The following ARHGAP40 variants were observed in gnomAD, a reference collection of about 807,000 sequenced individuals.
ARHGAP40 encodes rho GTPase-activating protein 40.
ARHGAP40 carries 43 observed loss-of-function variants against 73.5 expected under a neutral mutation model. That is an observed-to-expected ratio of 0.58 (90% CI 0.46 to 0.75). ARHGAP40 has a LOEUF of 0.75. Among genes scored for constraint, ARHGAP40 ranks in the 30% least tolerant of loss-of-function variants. The pLI, the probability that ARHGAP40 is intolerant of heterozygous loss-of-function variation, is 0.00. For synonymous variants in ARHGAP40, 300 were observed against 352.8 expected (o/e 0.85, Z 1.68); for missense variants, 734 against 861.8 (o/e 0.85, Z 1.86).
rs558527455 is a variant in ARHGAP40, at chr20:38,601,901, C to G, written c.-42C>G. 7.5e-5 allele frequency: 97 copies of G among 1,286,756 alleles called. No homozygotes were observed. In the Middle Eastern group the frequency reaches 1.3e-3, roughly 17 times the overall value. 79.7% of individuals were successfully genotyped at this position (1,286,756 alleles called of 1,614,324 possible). A position where few individuals can be genotyped will look rare whatever the true frequency, so the allele number is the denominator to read the frequency against. On this transcript the variant is annotated 5_prime_UTR_variant, in exon 1 of 15. Transcript: ENST00000373345. Reference sequence around the variant, plus strand: ...ATTGCCGATCGAGTCAGCCCCACGGCGGCAGCACCACGACCGACCGGGATC... The same window carrying G: ...ATTGCCGATCGAGTCAGCCCCACGGGGGCAGCACCACGACCGACCGGGATC...
intron 1 of ARHGAP40, among the ~76,000 whole-genome samples, chr20:38,617,694 C>T (rs2088850566): frequency 6.6e-6 from 1 of 152,220 alleles, no homozygotes; most frequent in Non-Finnish European, 1.5e-5. Context: ...TCTTCATGCT[C>T]TGTGCTTGTA....
Position 38,612,670 on chromosome 20 carries a change from A to C in ARHGAP40, c.137+10591A>C, listed in dbSNP as rs540705749. Among the ~76,000 whole-genome samples, 3 of 152,256 alleles carry C rather than the reference A, an allele frequency of 2.0e-5. No individual in the cohort carries two copies. The South Asian group carries it at 6.2e-4, about 32-fold the overall frequency. On this transcript the variant is annotated intron_variant, in intron 1 of 14. Transcript: ENST00000373345. ...GGGCGAAAGAGTGGGATTCTGTCTGAAAATGAAAGAAAAGAAAAGAAAAGA... is the reference window on the plus strand; with the variant it reads ...GGGCGAAAGAGTGGGATTCTGTCTGCAAATGAAAGAAAAGAAAAGAAAAGA...
At chr20:38,627,465 GTT>G (rs2088906491) in intron 3 of ARHGAP40, among the ~76,000 whole-genome samples, 6 of 92,300 alleles carry the variant, frequency 6.5e-5, no homozygotes, top group South Asian at 3.4e-4. Flanking sequence ...TGGTGTGTGT[GTT>G]TTGGGGTGTG....
At position 38,632,893 on chromosome 20, in the gene ARHGAP40, C is replaced by T. The variant is rs187135296; in HGVS notation, c.784-1727C>T. On this transcript the variant is annotated intron_variant, in intron 5 of 14. Coordinates refer to ENST00000373345, the Ensembl canonical transcript of ARHGAP40. ...ATCCCAGCACTTTGGGAGGCCGAGG[C>T]AGGCAGATCACTTGAGGTCAGGAGT... Among the ~76,000 whole-genome samples, 174 of 152,166 alleles carry T rather than the reference C, an allele frequency of 1.1e-3. 4 individuals are homozygous for T. The highest frequency in any genetic ancestry group is 0.01 in the Admixed American group (156 of 15,298).
chr20:38,623,212 G>T, intron 1 of ARHGAP40, 147 bp from the exon 2 acceptor site: 1 of 509,018 alleles, frequency 2.0e-6, no homozygotes, highest in Non-Finnish European at 3.1e-6. Flanking sequence ...CAGTCAATTT[G>T]CTGAGATCAC....
chr20:38,603,194 A>G (rs1356589975), intron 1 of ARHGAP40, among the ~76,000 whole-genome samples: 1 of 152,166 alleles, frequency 6.6e-6, no homozygotes, highest in African/African-American at 2.4e-5. Flanking sequence ...GGTGATCCTG[A>G]TCGTAGGACA....
chr20:38,637,973 T>TTGC (rs1262096883), intron 7 of ARHGAP40, among the ~76,000 whole-genome samples, 174 bp downstream of exon 7: 2 of 152,052 alleles, frequency 1.3e-5, no homozygotes, highest in African/African-American at 4.8e-5. Context: ...GGGTGGATTT[T>TTGC]TGCTGTTGTT....
intron 5 of ARHGAP40, among the ~76,000 whole-genome samples, chr20:38,633,029 A>T (rs1397379447): frequency 6.6e-6 from 1 of 152,122 alleles, no homozygotes; most frequent in Non-Finnish European, 1.5e-5. Context: ...AGGCTGAGGC[A>T]GGAGAATTGC....
chr20:38,640,833 C>A (rs527472239), intron 9 of ARHGAP40, among the ~76,000 whole-genome samples: 3 of 152,312 alleles, frequency 2.0e-5, no homozygotes, highest in African/African-American at 7.2e-5. Context: ...TCATTGCCTG[C>A]GAGGGGCCTT....
At chr20:38,629,050 T>A in intron 4 of ARHGAP40, 48 bp downstream of exon 4, 1 of 1,255,722 alleles carries the variant, frequency 8.0e-7, no homozygotes, top group Non-Finnish European at 1.1e-6. Flanking sequence ...CCAGGCTGCA[T>A]AAAGGGCTGC....
intron 5 of ARHGAP40, among the ~76,000 whole-genome samples, chr20:38,630,347 G>A (rs1434230622): frequency 6.6e-6 from 1 of 151,706 alleles, no homozygotes; most frequent in East Asian, 1.9e-4. Flanking sequence ...AGTCTCTCAA[G>A]TAGCTAGGAC....
At chr20:38,623,991 T>C (rs1475435286) in intron 2 of ARHGAP40, among the ~76,000 whole-genome samples, 2 of 152,208 alleles carry the variant, frequency 1.3e-5, no homozygotes, top group Non-Finnish European at 2.9e-5. Context: ...TGTGTCCCTA[T>C]TATCTACTAC....
At chr20:38,614,284 GTGAC>G (rs2088821432) in intron 1 of ARHGAP40, among the ~76,000 whole-genome samples, 1 of 152,234 alleles carries the variant, frequency 6.6e-6, no homozygotes, top group South Asian at 2.1e-4. Context: ...ACATTCATGA[GTGAC>G]TGTGCACCCA....
chr20:38,634,667 C>G lies in ARHGAP40; in HGVS notation c.831C>G (p.Asp277Glu), dbSNP rs1388662704. 1 of 1,305,418 alleles carries G rather than the reference C, an allele frequency of 7.7e-7. No individual in the cohort carries two copies. The highest frequency in any genetic ancestry group is 2.3e-5 in the Admixed American group (1 of 43,572). 80.9% of individuals were successfully genotyped at this position (1,305,418 alleles called of 1,614,324 possible). ...GACTTGGCGTGACGAGGATAGGAGA[C>G]TTGTCCCTGCAGGATATGAGGAAGG... The change falls in exon 6 of 15, where the codon GAC (aspartate) becomes GAG (glutamate). Residue 277 changes from aspartate (D) to glutamate (E), a missense_variant. By Grantham distance (45) the Asp-to-Glu change is conservative. Coordinates refer to ENST00000373345, the Ensembl canonical transcript of ARHGAP40.
In ARHGAP40 at chr20:38,623,364, G is replaced by A. The variant is rs144233895; in HGVS notation, c.143G>A (p.Gly48Asp). 1,371 of 1,289,272 alleles carry A rather than the reference G, an allele frequency of 1.1e-3. 9 individuals carry two copies. In the African/African-American group the frequency reaches 0.018, roughly 17 times the overall value. The allele number at this position is 1,289,272 out of a possible 1,614,324, so 79.9% of individuals were successfully genotyped here. Reference sequence around the variant, plus strand: ...ACCTTCCCCACTTGCTACAGCTCTGGCCCCTCCTCAGGCCGAATGGATCAG... The same window carrying A: ...ACCTTCCCCACTTGCTACAGCTCTGACCCCTCCTCAGGCCGAATGGATCAG... The change falls in exon 2 of 15, where the codon GGC becomes GAC. Residue 48 changes from glycine (G) to aspartate (D), a missense_variant. Physicochemically the swap from Gly to Asp is moderately conservative, Grantham distance 94. Coordinates refer to ENST00000373345, the Ensembl canonical transcript of ARHGAP40.
In ARHGAP40 at chr20:38,607,939, T is replaced by A. The variant is rs537003351; in HGVS notation, c.137+5860T>A. Among the ~76,000 whole-genome samples the A allele has an allele frequency of 4.2e-3, 637 of 152,340 alleles. 4 individuals are homozygous for A. Among genetic ancestry groups the A allele is most frequent in the Middle Eastern group, 6.8e-3 (2 of 294 alleles). The stretch of plus-strand genomic sequence containing the variant: ...TTCCCAGTAGATTTTTTGGGTATTT[T>A]TTTTCTTGTTGCTTTCCAGGAACTC... On this transcript the variant is annotated intron_variant, in intron 1 of 14. Transcript: ENST00000373345.
chr20:38,607,978 A>C (rs1387801267), intron 1 of ARHGAP40, among the ~76,000 whole-genome samples: 1 of 152,046 alleles, frequency 6.6e-6, no homozygotes, highest in Non-Finnish European at 1.5e-5. Context: ...ATATATATAG[A>C]CTGAATAGTA....
intron 1 of ARHGAP40, among the ~76,000 whole-genome samples, chr20:38,611,868 C>T (rs952121426): frequency 6.6e-6 from 1 of 151,990 alleles, no homozygotes; most frequent in Admixed American, 6.5e-5. Context: ...GCCACCGTGC[C>T]TGGCCACACC....
chr20:38,624,111 T>C (rs554031767), intron 2 of ARHGAP40, among the ~76,000 whole-genome samples: 3 of 152,310 alleles, frequency 2.0e-5, no homozygotes, highest in South Asian at 4.1e-4. Context: ...GCTAGGTGGT[T>C]CTTGCTCAGG....
Sources: allele counts gnomAD v4.1 joint callset (sites outside exome capture counted in the v4.1 genomes callset), GRCh38; gene constraint gnomAD v4.1.1; transcripts MANE v1.5; gene names NCBI Gene and HGNC (gene_info 2026-07-23, HGNC 2026-07-21).